Variants in CREB5 observed in about 807,000 individuals in gnomAD.
The protein encoded by CREB5 is cyclic AMP-responsive element-binding protein 5.
In CREB5, 19 loss-of-function variants were observed where a neutral mutation model predicts 57.1. The ratio of observed to expected loss-of-function variants is 0.33; its 90% CI spans 0.23 to 0.49. The LOEUF is 0.49. Ranked by LOEUF, CREB5 falls within the 20% of genes least tolerant of loss-of-function variation. The pLI, the probability that CREB5 is intolerant of heterozygous loss-of-function variation, is 0.99. For missense variants in CREB5, 579 were observed against 671.6 expected, an observed-to-expected ratio of 0.86 and a Z score of 1.52; for synonymous variants, 238 against 238.3, an observed-to-expected ratio of 1.00 and a Z score of 0.01.
intron 1 of CREB5, among the ~76,000 whole-genome samples, chr7:28,391,714 C>T (rs1256602265): frequency 1.3e-5 from 2 of 152,196 alleles, no homozygotes; most frequent in Non-Finnish European, 2.9e-5. Flanking sequence ...GGATGTGGTT[C>T]TTCTCACCAA....
At chr7:28,583,878 A>G (rs1179521773) in intron 5 of CREB5, among the ~76,000 whole-genome samples, 2 of 152,010 alleles carry the variant, frequency 1.3e-5, no homozygotes, top group Non-Finnish European at 2.9e-5. Flanking sequence ...GGGTTTCCCC[A>G]TGCTGGTCAG....
rs566138807 is a variant in CREB5, at chr7:28,823,503, G to A, written c.*4224G>A. ...TCTCCATCATTTGGTGGAAATGTTT[G>A]CTTAGATCTCTGTGCATAGACATTT... On this transcript the variant is annotated 3_prime_UTR_variant, in exon 11 of 11. Transcript: ENST00000357727. 3 of 152,688 alleles carry A rather than the reference G, an allele frequency of 2.0e-5. No homozygotes were observed. In the South Asian group the frequency reaches 6.2e-4, roughly 32 times the overall value. The allele number at this position is 152,688 out of a possible 1,614,324, so 9.5% of individuals were successfully genotyped here. A position where few individuals can be genotyped will look rare whatever the true frequency, so the allele number is the denominator to read the frequency against.
chr7:28,587,908 C>T (rs1383664776), intron 5 of CREB5, among the ~76,000 whole-genome samples: 1 of 152,174 alleles, frequency 6.6e-6, no homozygotes, highest in African/African-American at 2.4e-5. Flanking sequence ...CATCCCATTT[C>T]CTGACTGCTT....
intron 5 of CREB5, among the ~76,000 whole-genome samples, chr7:28,695,178 G>T (rs112372153): frequency 1.3e-5 from 2 of 152,198 alleles, no homozygotes; most frequent in East Asian, 3.8e-4. Context: ...AGTGAGTCAT[G>T]ATGGCACCAT....
At chr7:28,427,775 C>T (rs573058528) in intron 1 of CREB5, among the ~76,000 whole-genome samples, 1 of 152,192 alleles carries the variant, frequency 6.6e-6, no homozygotes, top group East Asian at 1.9e-4. Context: ...AGATACTAGG[C>T]ACTCAATCTA....
intron 7 of CREB5, among the ~76,000 whole-genome samples, chr7:28,758,818 T>C (rs1805486531): frequency 6.6e-6 from 1 of 152,240 alleles, no homozygotes; most frequent in Non-Finnish European, 1.5e-5. Context: ...TTGTCAGAGC[T>C]GGTTTATATA....
chr7:28,755,753 T>C (rs1805261588), intron 7 of CREB5, among the ~76,000 whole-genome samples: 2 of 152,178 alleles, frequency 1.3e-5, no homozygotes, highest in Admixed American at 1.3e-4. Context: ...CTGCTGAACA[T>C]TGATCCTGAG....
At chr7:28,466,182 G>T (rs1241730587) in intron 1 of CREB5, among the ~76,000 whole-genome samples, 1 of 130,006 alleles carries the variant, frequency 7.7e-6, no homozygotes, top group East Asian at 2.2e-4. Flanking sequence ...TTACCCAATC[G>T]CTTTTATCCT....
intron 1 of CREB5, among the ~76,000 whole-genome samples, chr7:28,468,276 C>A (rs1554328146): frequency 6.6e-6 from 1 of 152,184 alleles, no homozygotes; most frequent in Non-Finnish European, 1.5e-5. Flanking sequence ...AAGATAATGC[C>A]CAGTCTCTCA....
chr7:28,392,065 T>G (rs2127997951), intron 1 of CREB5, among the ~76,000 whole-genome samples: 1 of 152,246 alleles, frequency 6.6e-6, no homozygotes, highest in African/African-American at 2.4e-5. Context: ...AAGTGGAAGC[T>G]AAATGGTGAG....
chr7:28,596,373 A>G (rs1006943744), intron 5 of CREB5, among the ~76,000 whole-genome samples: 3 of 152,200 alleles, frequency 2.0e-5, no homozygotes, highest in Non-Finnish European at 4.4e-5. Flanking sequence ...CTTGCATTGC[A>G]TTGCATTGCA....
chr7:28,558,379 A>G (rs575060116), intron 4 of CREB5, among the ~76,000 whole-genome samples: 1 of 152,372 alleles, frequency 6.6e-6, no homozygotes, highest in Non-Finnish European at 1.5e-5. Context: ...ATTTGCAAGT[A>G]CTAGACAATT....
chr7:28,715,631 T>C (rs1350554300), intron 5 of CREB5, among the ~76,000 whole-genome samples: 1 of 152,216 alleles, frequency 6.6e-6, no homozygotes, highest in Non-Finnish European at 1.5e-5. Flanking sequence ...TACCTAGTGA[T>C]GAGTAGGCAC....
intron 1 of CREB5, among the ~76,000 whole-genome samples, chr7:28,424,211 T>G (rs888117427): frequency 6.6e-6 from 1 of 152,218 alleles, no homozygotes; most frequent in Non-Finnish European, 1.5e-5. Flanking sequence ...CCTCTACAAA[T>G]ACTTTATCTT....
At chr7:28,588,593 C>T (rs369707426) in intron 5 of CREB5, among the ~76,000 whole-genome samples, 2 of 152,152 alleles carry the variant, frequency 1.3e-5, no homozygotes, top group East Asian at 3.8e-4. Flanking sequence ...CAACAAAATA[C>T]GCATCCTTCA....
chr7:28,329,725 GTAATTCTCCCCACA>G (rs1222191837), intron 1 of CREB5, among the ~76,000 whole-genome samples: 2 of 152,192 alleles, frequency 1.3e-5, no homozygotes, highest in African/African-American at 4.8e-5. Flanking sequence ...AGATAACACT[GTAATTCTCCCCACA>G]TAATGTGATG....
intron 1 of CREB5, among the ~76,000 whole-genome samples, chr7:28,457,729 C>T (rs560558213): frequency 2.0e-5 from 3 of 152,198 alleles, no homozygotes; most frequent in East Asian, 1.9e-4. Flanking sequence ...GATATGATCT[C>T]GTCAGTTGCT....
chr7:28,677,149 G>A (rs1368840487), intron 5 of CREB5, among the ~76,000 whole-genome samples: 1 of 152,186 alleles, frequency 6.6e-6, no homozygotes, highest in African/African-American at 2.4e-5. Flanking sequence ...AGCATGGACA[G>A]CAGAGACATA....
chr7:28,716,284 T>G (rs1011877904), intron 5 of CREB5, among the ~76,000 whole-genome samples: 3 of 152,232 alleles, frequency 2.0e-5, no homozygotes, highest in African/African-American at 7.2e-5. Flanking sequence ...GGATACAGAA[T>G]GTAAATGATG....
Sources: gnomAD v4.1 joint callset for allele counts (sites outside exome capture counted in the v4.1 genomes callset) on GRCh38, gnomAD v4.1.1 for gene constraint, MANE v1.5 for transcripts, NCBI Gene and HGNC (gene_info 2026-07-23, HGNC 2026-07-21) for gene names.